LCLAT1: variants seen among roughly 807,000 people sequenced by gnomAD.
LCLAT1 encodes 1-AGP acyltransferase 8.
Under a neutral mutation model 30.7 loss-of-function variants are expected in LCLAT1, and 11 were observed. The observed-to-expected ratio is 0.36, with a 90% CI of 0.23 to 0.59. The LOEUF is 0.59. LCLAT1 is among the 20% of genes least tolerant of loss of function. The pLI, the probability that LCLAT1 is intolerant of heterozygous loss-of-function variation, is 0.77. For synonymous variants in LCLAT1, 155 were observed against 151.3 expected (o/e 1.02, Z -0.18); for missense variants, 402 against 458.6 (o/e 0.88, Z 1.13).
chr2:30,502,701 C>T (rs1161456597), intron 1 of LCLAT1, among the ~76,000 whole-genome samples: 1 of 125,986 alleles, frequency 7.9e-6, no homozygotes, highest in Non-Finnish European at 1.9e-5. Context: ...TGTGTCAGTA[C>T]CTCATCTCTC....
chr2:30,614,679 T>C (rs992746714), intron 5 of LCLAT1, among the ~76,000 whole-genome samples: 4 of 152,162 alleles, frequency 2.6e-5, no homozygotes, highest in Non-Finnish European at 4.4e-5. Flanking sequence ...TTAGTAAATA[T>C]GTGAGTCTAG....
chr2:30,536,660 T>A lies in LCLAT1; in HGVS notation c.364+3346T>A, dbSNP rs137937578. On this transcript the variant is annotated intron_variant, in intron 3 of 5. Transcript: ENST00000379509. ...TTCTGCATCTGCAGTAAAAAAGTGA[T>A]ATCTAAGCATTATGAAAACATGCAG... Among the ~76,000 whole-genome samples, 154 of 152,310 alleles carry A rather than the reference T, an allele frequency of 1.0e-3. 1 individual carries two copies. Among genetic ancestry groups the A allele is most frequent in the African/African-American group, 3.7e-3 (152 of 41,576 alleles).
chr2:30,541,456 C>T (rs1664131005), intron 3 of LCLAT1, among the ~76,000 whole-genome samples: 3 of 151,860 alleles, frequency 2.0e-5, no homozygotes, highest in African/African-American at 7.3e-5. Flanking sequence ...TGTTTATCCC[C>T]CCAAATAGCT....
At chr2:30,522,076 C>T (rs181041283) in intron 1 of LCLAT1, among the ~76,000 whole-genome samples, 5 of 152,204 alleles carry the variant, frequency 3.3e-5, no homozygotes, top group East Asian at 1.9e-4. Flanking sequence ...GGATGTACTA[C>T]GGTTTTGTTT....
rs563403142 is a variant in LCLAT1, at chr2:30,525,809, C to A, written c.165+54C>A. ...GCTTGTACTAGAGTGCTCCCCACCC[C>A]TGATAGATACCTAAATCCATGGATG... On this transcript the variant is annotated intron_variant, in intron 2 of 5. Coordinates refer to ENST00000379509, the MANE Select transcript of LCLAT1 (RefSeq NM_001002257.3). The A allele has an allele frequency of 3.7e-5, 54 of 1,470,480 alleles. No individual in the cohort carries two copies. In the South Asian group the frequency reaches 6.0e-4, roughly 16 times the overall value. 91.1% of individuals were successfully genotyped at this position (1,470,480 alleles called of 1,614,324 possible).
At chr2:30,523,845 C>T (rs1558495396) in intron 1 of LCLAT1, among the ~76,000 whole-genome samples, 1 of 152,134 alleles carries the variant, frequency 6.6e-6, no homozygotes, top group Non-Finnish European at 1.5e-5. Flanking sequence ...TTCAGCCTAG[C>T]GACAGAGTGA....
rs564958856 is a variant in LCLAT1 at position 30,621,681 on chromosome 2, G to A, written c.629-18436G>A. 1.2e-4 allele frequency among the ~76,000 whole-genome samples: 18 copies of A among 152,214 alleles called. No homozygotes were observed. In the South Asian group the frequency reaches 3.7e-3, roughly 32 times the overall value. Reference sequence around the variant, plus strand: ...TTGTGAGATGGATTTGACCTTACCTGGAGCTGAGATGAATTTAAGAGAGCC... The same window carrying A: ...TTGTGAGATGGATTTGACCTTACCTAGAGCTGAGATGAATTTAAGAGAGCC... On this transcript the variant is annotated intron_variant, in intron 5 of 5. Coordinates refer to ENST00000379509, the MANE Select transcript of LCLAT1 (RefSeq NM_001002257.3).
rs1572739468 is a variant in LCLAT1, at chr2:30,643,454, A to G, written c.*2835A>G. On this transcript the variant is annotated 3_prime_UTR_variant, in exon 6 of 6. Coordinates refer to ENST00000379509, the MANE Select transcript of LCLAT1 (RefSeq NM_001002257.3). Reference sequence around the variant, plus strand: ...TAAAAGACTCAAATAAATGTTAGAAAGAGCCCGTAATTTTAGGACTCCTAT... The same window carrying G: ...TAAAAGACTCAAATAAATGTTAGAAGGAGCCCGTAATTTTAGGACTCCTAT... 1 of 146,692 alleles carries G rather than the reference A, an allele frequency of 6.8e-6. No homozygotes were observed. Among genetic ancestry groups the G allele is most frequent in the African/African-American group, 2.6e-5 (1 of 38,718 alleles). 9.1% of individuals were successfully genotyped at this position (146,692 alleles called of 1,614,324 possible). A position where few individuals can be genotyped will look rare whatever the true frequency, so the allele number is the denominator to read the frequency against.
At chr2:30,601,657 C>A (rs531440255) in intron 5 of LCLAT1, among the ~76,000 whole-genome samples, 1 of 87,454 alleles carries the variant, frequency 1.1e-5, no homozygotes, top group South Asian at 3.4e-4. Flanking sequence ...GCTTCAGATC[C>A]CAAGATTAAT....
intron 1 of LCLAT1, among the ~76,000 whole-genome samples, chr2:30,512,481 C>T (rs531661944): frequency 1.8e-4 from 27 of 152,098 alleles, no homozygotes; most frequent in African/African-American, 5.8e-4. Context: ...AGGAAGCCCT[C>T]GAAGGAGATA....
At chr2:30,562,990 T>C (rs536521319) in intron 4 of LCLAT1, among the ~76,000 whole-genome samples, 14 of 152,310 alleles carry the variant, frequency 9.2e-5, no homozygotes, top group Admixed American at 6.5e-4. Flanking sequence ...TCAGCCATCA[T>C]TGAGTTGTAG....
At chr2:30,460,550 T>C (rs1284609268) in intron 1 of LCLAT1, among the ~76,000 whole-genome samples, 3 of 152,238 alleles carry the variant, frequency 2.0e-5, no homozygotes, top group African/African-American at 7.2e-5. Context: ...GTATGTGATA[T>C]GATGAAGAAT....
intron 2 of LCLAT1, among the ~76,000 whole-genome samples, chr2:30,527,363 A>G (rs955180972): frequency 2.6e-4 from 40 of 152,236 alleles, no homozygotes; most frequent in African/African-American, 8.9e-4. Context: ...TGTAACAGTC[A>G]TGTATTGTTA....
chr2:30,539,902 T>C (rs2148407813), intron 3 of LCLAT1, among the ~76,000 whole-genome samples: 1 of 152,350 alleles, frequency 6.6e-6, no homozygotes, highest in South Asian at 2.1e-4. Context: ...TAATTTGCCT[T>C]GTTCCACATA....
At chr2:30,555,923 C>T (rs1262527190) in intron 3 of LCLAT1, among the ~76,000 whole-genome samples, 6 of 150,686 alleles carry the variant, frequency 4.0e-5, no homozygotes, top group African/African-American at 7.3e-5. Flanking sequence ...CTGCAAGCTC[C>T]GCCTCCTGGT....
chr2:30,469,053 T>G (rs1415889613), intron 1 of LCLAT1, among the ~76,000 whole-genome samples: 3 of 152,256 alleles, frequency 2.0e-5, no homozygotes, highest in African/African-American at 7.2e-5. Flanking sequence ...GTATGTTTTC[T>G]TTGGAGAAAT....
chr2:30,560,981 G>T (rs1880541), intron 3 of LCLAT1, among the ~76,000 whole-genome samples: 19,236 of 151,970 alleles, frequency 0.13, 1,353 homozygotes, highest in South Asian at 0.23. Context: ...CACTCTTGTT[G>T]CCCAGGCTGG....
intron 2 of LCLAT1, among the ~76,000 whole-genome samples, chr2:30,527,684 T>C (rs2148387771): frequency 6.6e-6 from 1 of 152,286 alleles, no homozygotes; most frequent in Non-Finnish European, 1.5e-5. Flanking sequence ...TTCATCTCTA[T>C]AAAAAGGAGT....
At chr2:30,548,094 A>G (rs1324325346) in intron 3 of LCLAT1, among the ~76,000 whole-genome samples, 2 of 152,202 alleles carry the variant, frequency 1.3e-5, no homozygotes, top group Admixed American at 6.5e-5. Context: ...TATTTGAAAC[A>G]TAAAGTTTTG....
Sources: allele counts gnomAD v4.1 joint callset (sites outside exome capture counted in the v4.1 genomes callset), GRCh38; gene constraint gnomAD v4.1.1; transcripts MANE v1.5; gene names NCBI Gene and HGNC (gene_info 2026-07-23, HGNC 2026-07-21).